The following ZNF804A variants were observed in gnomAD, a reference collection of about 807,000 sequenced individuals.
ZNF804A encodes the protein zinc finger protein 804A.
A neutral mutation model predicts 16.5 loss-of-function variants in ZNF804A; 2 were observed. The observed-to-expected ratio is 0.12, with a 90% CI of 0.05 to 0.38. The LOEUF (loss-of-function observed/expected upper bound fraction) is 0.38. ZNF804A is among the 10% of genes least tolerant of loss of function. The pLI, the probability that ZNF804A is intolerant of heterozygous loss-of-function variation, is 0.99. For synonymous variants in ZNF804A, 534 were observed against 489.6 expected, an observed-to-expected ratio of 1.09 and a Z score of -1.20; for missense variants, 1,473 against 1,390.7, an observed-to-expected ratio of 1.06 and a Z score of -0.94.
rs1428257762 is a variant in ZNF804A, at chr2:184,938,953, C to A, written c.3557C>A (p.Ser1186Tyr). Residue 1186 changes from serine to tyrosine, a missense_variant, in exon 4 of 4, where the codon TCT becomes TAT. Transcript: ENST00000302277. The part of the protein sequence containing the change: ...VLHPSHLAFP[S>Y]LPHALFPSLL... ...CATCCTAGCCATCTGGCTTTCCCAT[C>A]TTTACCCCATGCACTCTTTCCTTCA... is the stretch of plus-strand genomic sequence containing the variant. 1 of 1,614,002 alleles carries A rather than the reference C, an allele frequency of 6.2e-7. No individual in the cohort carries two copies. The highest frequency in any genetic ancestry group is 8.5e-7 in the Non-Finnish European group (1 of 1,179,980).
chr2:184,787,975 G>A (rs1694474145), intron 1 of ZNF804A, among the ~76,000 whole-genome samples: 2 of 151,724 alleles, frequency 1.3e-5, no homozygotes. Context: ...ATGGCTTCAT[G>A]TCCTAGGTTT....
chr2:184,647,706 A>G (rs1395789234), intron 1 of ZNF804A, among the ~76,000 whole-genome samples: 1 of 152,226 alleles, frequency 6.6e-6, no homozygotes, highest in Non-Finnish European at 1.5e-5. Flanking sequence ...GTTTTTAAAA[A>G]GAATAAATTC....
chr2:184,858,959 C>T (rs1695748324), intron 1 of ZNF804A, among the ~76,000 whole-genome samples: 1 of 152,086 alleles, frequency 6.6e-6, no homozygotes, highest in Non-Finnish European at 1.5e-5. Flanking sequence ...TTTTTTCCTT[C>T]AACACCTAAG....
rs777356582 is a variant in ZNF804A at position 184,937,320 on chromosome 2, C to A, written c.1924C>A (p.Gln642Lys). 1 of 1,613,918 alleles carries A rather than the reference C, an allele frequency of 6.2e-7. No individual in the cohort carries two copies. The change falls in exon 4 of 4, where the codon CAG becomes AAG. Residue 642 changes from glutamine to lysine, a missense_variant. Transcript: ENST00000302277. ...TCTATTGGAACCAATTTCAGAAAAG[C>A]AGTATTTAGCTGCAGAGCAATTATT... ...KYLLEPISEK[Q>K]YLAAEQLLDS...
intron 1 of ZNF804A, among the ~76,000 whole-genome samples, chr2:184,826,585 A>G (rs1163468381): frequency 1.3e-5 from 2 of 152,122 alleles, no homozygotes; most frequent in East Asian, 3.9e-4. Context: ...GACATTTGTG[A>G]CATTGCTTTT....
At chr2:184,700,290 A>G (rs1267444364) in intron 1 of ZNF804A, among the ~76,000 whole-genome samples, 2 of 152,124 alleles carry the variant, frequency 1.3e-5, no homozygotes, top group East Asian at 1.9e-4. Context: ...ATTTAACTAA[A>G]TAGATTGGTG....
intron 1 of ZNF804A, among the ~76,000 whole-genome samples, chr2:184,863,300 G>A (rs1036684062): frequency 6.6e-6 from 1 of 151,966 alleles, no homozygotes; most frequent in Non-Finnish European, 1.5e-5. Flanking sequence ...TGTAAAGTGA[G>A]GAAATGAAAA....
At chr2:184,604,271 C>T (rs532321280) in intron 1 of ZNF804A, among the ~76,000 whole-genome samples, 4 of 146,682 alleles carry the variant, frequency 2.7e-5, no homozygotes, top group African/African-American at 7.5e-5. Context: ...CCCGGGTTCA[C>T]GCCATTCTCC....
At chr2:184,864,855 G>C (rs941445545) in intron 1 of ZNF804A, among the ~76,000 whole-genome samples, 2 of 147,972 alleles carry the variant, frequency 1.4e-5, no homozygotes, top group Non-Finnish European at 3.0e-5. Context: ...GTAAGTAAGA[G>C]ACTTGAATAT....
At chr2:184,657,287 A>C (rs1692094249) in intron 1 of ZNF804A, among the ~76,000 whole-genome samples, 1 of 152,028 alleles carries the variant, frequency 6.6e-6, no homozygotes, top group Non-Finnish European at 1.5e-5. Flanking sequence ...GGTTTTCGCC[A>C]TGTTGCCTGG....
intron 1 of ZNF804A, among the ~76,000 whole-genome samples, chr2:184,669,641 T>C (rs1692310762): frequency 6.6e-6 from 1 of 151,996 alleles, no homozygotes; most frequent in Non-Finnish European, 1.5e-5. Flanking sequence ...ATCACATAAA[T>C]AAGAAAACTA....
chr2:184,719,799 G>T (rs1228151715), intron 1 of ZNF804A, among the ~76,000 whole-genome samples: 5 of 152,132 alleles, frequency 3.3e-5, no homozygotes, highest in African/African-American at 1.2e-4. Flanking sequence ...CAAGTCTCTA[G>T]AGAGTTCCAA....
chr2:184,621,231 T>C (rs2105679888), intron 1 of ZNF804A, among the ~76,000 whole-genome samples: 1 of 151,828 alleles, frequency 6.6e-6, no homozygotes, highest in African/African-American at 2.4e-5. Context: ...TTAACAACAC[T>C]GGTAGATAAT....
At chr2:184,913,701 A>T (rs1344706) in intron 2 of ZNF804A, among the ~76,000 whole-genome samples, 1 of 151,964 alleles carries the variant, frequency 6.6e-6, no homozygotes, top group Admixed American at 6.6e-5. Context: ...TGATTCTGAT[A>T]GTTTTTGATT....
intron 1 of ZNF804A, among the ~76,000 whole-genome samples, chr2:184,835,652 T>C: frequency 7.0e-6 from 1 of 142,140 alleles, no homozygotes; most frequent in South Asian, 2.2e-4. Context: ...TTCATTTAGC[T>C]CAGGAAGGCA....
chr2:184,829,687 TA>T (rs571238351), intron 1 of ZNF804A, among the ~76,000 whole-genome samples: 45 of 151,876 alleles, frequency 3.0e-4, no homozygotes, highest in Admixed American at 5.3e-4. Context: ...AACCATAGAT[TA>T]TTCTCTTAAT....
chr2:184,606,183 G>T (rs990114633), intron 1 of ZNF804A, among the ~76,000 whole-genome samples: 1 of 152,236 alleles, frequency 6.6e-6, no homozygotes, highest in South Asian at 2.1e-4. Context: ...TTCTCACACT[G>T]CTAAAAAGAT....
At chr2:184,770,804 C>T (rs1244978512) in intron 1 of ZNF804A, among the ~76,000 whole-genome samples, 12 of 152,074 alleles carry the variant, frequency 7.9e-5, no homozygotes, top group Admixed American at 6.6e-4. Context: ...TTTGTACCCT[C>T]CTGGCATGAG....
chr2:184,603,307 T>C (rs359898), intron 1 of ZNF804A, among the ~76,000 whole-genome samples: 3 of 152,104 alleles, frequency 2.0e-5, no homozygotes, highest in African/African-American at 7.2e-5. Context: ...TGTTAAAAAA[T>C]ATATTCACAT....
Sources: allele counts gnomAD v4.1 joint callset (sites outside exome capture counted in the v4.1 genomes callset), GRCh38; gene constraint gnomAD v4.1.1; transcripts MANE v1.5; gene names NCBI Gene and HGNC (gene_info 2026-07-23, HGNC 2026-07-21).